Variants in NUP133 observed in about 807,000 individuals in gnomAD.
NUP133 encodes the protein nucleoporin 133.
NUP133 carries 66 observed loss-of-function variants against 146.2 expected under a neutral mutation model. That is an observed-to-expected ratio of 0.45 (90% CI 0.37 to 0.55). The LOEUF (loss-of-function observed/expected upper bound fraction) is 0.55. Among genes scored for constraint, NUP133 ranks in the 20% least tolerant of loss-of-function variants. The pLI, the probability that NUP133 is intolerant of heterozygous loss-of-function variation, is 0.00. For synonymous variants in NUP133, 521 were observed against 498.8 expected, an observed-to-expected ratio of 1.04 and a Z score of -0.59; for missense variants, 1,277 against 1,374.8, an observed-to-expected ratio of 0.93 and a Z score of 1.12.
intron 4 of NUP133, 118 bp from the exon 5 acceptor site, chr1:229,499,936 G>C: frequency 8.1e-7 from 1 of 1,233,350 alleles, no homozygotes; most frequent in Non-Finnish European, 1.1e-6. Context: ...AGAAAAATCA[G>C]AAATAAGAAC....
chr1:229,475,303 G>C (rs1661049945), intron 14 of NUP133, among the ~76,000 whole-genome samples: 1 of 151,966 alleles, frequency 6.6e-6, no homozygotes, highest in African/African-American at 2.4e-5. Context: ...CCCAAAAAAA[G>C]AAAAGGAATA....
intron 23 of NUP133, among the ~76,000 whole-genome samples, chr1:229,449,873 A>ATATATATATATATTTT (rs1261799272): frequency 1.2e-5 from 1 of 85,798 alleles, no homozygotes. Flanking sequence ...ATATATATAT[A>ATATATATATATATTTT]TTTTTTTTTT....
chr1:229,466,412 A>C (rs897212448), intron 16 of NUP133, among the ~76,000 whole-genome samples: 2 of 152,252 alleles, frequency 1.3e-5, no homozygotes, highest in Non-Finnish European at 2.9e-5. Flanking sequence ...ACCAAATAGA[A>C]ACTCAAGATT....
chr1:229,457,659 T>C (rs2102753031), intron 21 of NUP133, among the ~76,000 whole-genome samples: 1 of 152,352 alleles, frequency 6.6e-6, no homozygotes, highest in South Asian at 2.1e-4. Flanking sequence ...GTAATTTTAA[T>C]TGTTGTTGAA....
chr1:229,470,950 C>T, intron 14 of NUP133, 146 bp from the exon 15 acceptor site: 1 of 651,656 alleles, frequency 1.5e-6, no homozygotes, highest in African/African-American at 1.8e-5. Context: ...CTTGTTTTAA[C>T]TGTTTCTAAC....
chr1:229,447,099 G>A (rs1660318890), intron 24 of NUP133, among the ~76,000 whole-genome samples: 1 of 152,076 alleles, frequency 6.6e-6, no homozygotes, highest in Admixed American at 6.6e-5. Flanking sequence ...ACTCCAGCCT[G>A]GGCAACAAGA....
chr1:229,454,085 C>T (rs144788168), intron 21 of NUP133, among the ~76,000 whole-genome samples: 2 of 152,196 alleles, frequency 1.3e-5, no homozygotes, highest in South Asian at 2.1e-4. Context: ...GAGTTTCATT[C>T]GCAAATGGAA....
At chr1:229,485,059 T>C (rs1444071913) in intron 11 of NUP133, among the ~76,000 whole-genome samples, 1 of 152,180 alleles carries the variant, frequency 6.6e-6, no homozygotes, top group Non-Finnish European at 1.5e-5. Context: ...TGTAAAAGAA[T>C]GATAAAAATC....
rs1661933796 is a variant in NUP133, at chr1:229,506,264, A to G, written c.183-106T>C. The G allele has an allele frequency of 5.2e-6, 3 of 579,632 alleles. No individual in the cohort carries two copies. The South Asian group carries it at 7.5e-5, about 15-fold the overall frequency. 35.9% of individuals were successfully genotyped at this position (579,632 alleles called of 1,614,324 possible). A position where few individuals can be genotyped will look rare whatever the true frequency, so the allele number is the denominator to read the frequency against. ...GTAAGGAGTTCTTTGAAAAAAATTA[A>G]CACTGGCTCATATTTACCATGTAAT... is the stretch of plus-strand genomic sequence containing the variant. On this transcript the variant is annotated intron_variant, in intron 1 of 25. Transcript: ENST00000261396.
rs536220539 is a variant in NUP133, at chr1:229,462,532, T to C, written c.2685+1011A>G. Among the ~76,000 whole-genome samples the C allele has an allele frequency of 2.7e-3, 412 of 152,272 alleles. 3 individuals are homozygous for C. Among genetic ancestry groups the C allele is most frequent in the African/African-American group, 9.6e-3 (400 of 41,552 alleles). ...AATAGACTGGCTTCAAGCAACAACT[T>C]TGAATTCACTTAAGATAGTGTCACA... is the stretch of plus-strand genomic sequence containing the variant. On this transcript the variant is annotated intron_variant, in intron 19 of 25. Coordinates refer to ENST00000261396, the MANE Select transcript of NUP133 (RefSeq NM_018230.3).
chr1:229,501,477 G>C (rs892720871), intron 3 of NUP133, among the ~76,000 whole-genome samples: 1 of 152,198 alleles, frequency 6.6e-6, no homozygotes, highest in Non-Finnish European at 1.5e-5. Flanking sequence ...TGGTAGAAGA[G>C]AGTAGTGTAT....
At chr1:229,463,746 C>T (rs1443205123) in intron 18 of NUP133, 70 bp from the exon 19 acceptor site, 42 of 1,456,000 alleles carry the variant, frequency 2.9e-5, no homozygotes, top group Non-Finnish European at 3.8e-5. Context: ...AAAAATGTTA[C>T]TTGAAATTTT....
chr1:229,443,894 CTTTTTTTTTTT>C lies in NUP133; in HGVS notation c.3334+1009_3334+1019del, dbSNP rs746631129. Among the ~76,000 whole-genome samples, 59 of 114,878 alleles carry C rather than the reference CTTTTTTTTTTT, an allele frequency of 5.1e-4. No homozygotes were observed. The East Asian group carries it at 0.014, about 27-fold the overall frequency. 75.4% of individuals were successfully genotyped at this position (114,878 alleles called of 152,430 possible). A position where few individuals can be genotyped will look rare whatever the true frequency, so the allele number is the denominator to read the frequency against. ...CAGGCATGCACCCCTGTGCTCAACT[CTTTTTTTTTTT>C]TTTTTTTTTTTTTAAAATAGGGACA... On this transcript the variant is annotated intron_variant, in intron 25 of 25. Transcript: ENST00000261396.
At chr1:229,443,710 A>G (rs1023725667) in intron 25 of NUP133, among the ~76,000 whole-genome samples, 48 of 150,084 alleles carry the variant, frequency 3.2e-4, no homozygotes, top group Admixed American at 2.1e-3. Flanking sequence ...TATATAATAC[A>G]CACACATATA....
rs558877829 is a variant in NUP133 at position 229,463,489 on chromosome 1, T to C, written c.2685+54A>G. The C allele has an allele frequency of 3.2e-6, 5 of 1,554,492 alleles. No homozygotes were observed. The East Asian group carries it at 7.0e-5, about 22-fold the overall frequency. On this transcript the variant is annotated intron_variant, in intron 19 of 25. Transcript: ENST00000261396. ...TTACAGATTTGAAATGGCAAAGCCA[T>C]TTCAAGAAAAGGCAACTAAAGGACT...
chr1:229,508,259 G>T lies in NUP133; in HGVS notation c.-10C>A. ...GGGCGGCTGGGAACATGACTCCAAG[G>T]AGCAGCGACTAGGACAGCGAGGGAT... On this transcript the variant is annotated 5_prime_UTR_variant, in exon 1 of 26. Coordinates refer to ENST00000261396, the MANE Select transcript of NUP133 (RefSeq NM_018230.3). 2 of 1,494,854 alleles carry T rather than the reference G, an allele frequency of 1.3e-6. No individual in the cohort carries two copies. The highest frequency in any genetic ancestry group is 1.3e-5 in the South Asian group (1 of 78,362). The allele number at this position is 1,494,854 out of a possible 1,614,324, so 92.6% of individuals were successfully genotyped here. A position where few individuals can be genotyped will look rare whatever the true frequency, so the allele number is the denominator to read the frequency against.
chr1:229,461,231 C>T (rs577248195), intron 19 of NUP133, among the ~76,000 whole-genome samples: 6 of 152,132 alleles, frequency 3.9e-5, no homozygotes, highest in East Asian at 1.9e-4. Flanking sequence ...CAGAATTCTG[C>T]GCCAGCTGGC....
chr1:229,444,874 G>A, intron 25 of NUP133, 40 bp downstream of exon 25: 1 of 1,363,482 alleles, frequency 7.3e-7, no homozygotes, highest in Non-Finnish European at 1.0e-6. Flanking sequence ...ACTGAGGAAT[G>A]ACACTGTAAT....
chr1:229,445,139 AT>A, intron 24 of NUP133, 137 bp from the exon 25 acceptor site: 1 of 650,844 alleles, frequency 1.5e-6, no homozygotes, highest in Non-Finnish European at 2.7e-6. Context: ...GTTTCAAATC[AT>A]TTAAATAAAG....
Sources: gnomAD v4.1 joint callset for allele counts (sites outside exome capture counted in the v4.1 genomes callset) on GRCh38, gnomAD v4.1.1 for gene constraint, MANE v1.5 for transcripts, NCBI Gene and HGNC (gene_info 2026-07-23, HGNC 2026-07-21) for gene names.